TENM3: variants seen among roughly 807,000 people sequenced by gnomAD.
TENM3 encodes the protein teneurin-3.
In TENM3, 63 loss-of-function variants were observed where a neutral mutation model predicts 255.1. That is an observed-to-expected ratio of 0.25 (90% CI 0.20 to 0.30). TENM3 has a LOEUF of 0.30. Ranked by LOEUF, TENM3 falls within the 10% of genes least tolerant of loss-of-function variation. TENM3 has a pLI of 1.00. For missense variants in TENM3, 2,929 were observed against 3,461.1 expected, an observed-to-expected ratio of 0.85 and a Z score of 3.86; for synonymous variants, 1,306 against 1,322.3, an observed-to-expected ratio of 0.99 and a Z score of 0.27.
chr4:182,502,735 C>G (rs1736437391), intron 3 of TENM3, among the ~76,000 whole-genome samples: 1 of 151,708 alleles, frequency 6.6e-6, no homozygotes, highest in Non-Finnish European at 1.5e-5. Flanking sequence ...CTGCATTATC[C>G]ATCTATTTTT....
chr4:182,675,241 A>G lies in TENM3; in HGVS notation c.1326+2022A>G, dbSNP rs774068572. Among the ~76,000 whole-genome samples, 53 of 152,196 alleles carry G rather than the reference A, an allele frequency of 3.5e-4. 1 individual carries two copies. Among genetic ancestry groups the G allele is most frequent in the Non-Finnish European group, 8.8e-5 (6 of 68,002 alleles). On this transcript the variant is annotated intron_variant, in intron 7 of 27. Transcript: ENST00000511685. ...TCTTATAGGTGACACTGACTAGGAT[A>G]TAATAACCAGATTTTCTTAAGGCTA...
At chr4:182,069,092 C>G in the TENM3 span, among the ~76,000 whole-genome samples, 1 of 152,094 alleles carries the variant, frequency 6.6e-6, no homozygotes, top group African/African-American at 2.4e-5. Flanking sequence ...AAAAAACCTT[C>G]ATGAGTGAAA....
chr4:182,652,306 G>C (rs1281248431), intron 5 of TENM3, among the ~76,000 whole-genome samples: 1 of 152,140 alleles, frequency 6.6e-6, no homozygotes, highest in Non-Finnish European at 1.5e-5. Context: ...TTTCCTGTCA[G>C]GGAGAAGCAT....
Position 182,679,691 on chromosome 4 carries a change from G to C in TENM3, c.1352G>C (p.Gly451Ala), listed in dbSNP as rs373792154. Reference protein sequence around the residue: ...TQYDFVELLDGSRLIAREQRS... With the variant: ...TQYDFVELLDASRLIAREQRS... ...TATGACTTCGTGGAGCTCCTGGATG[G>C]CAGCAGGCTGATTGCCAGAGAGCAG... The change falls in exon 8 of 28, where the codon GGC becomes GCC. Residue 451 changes from glycine (G) to alanine (A), a missense_variant. Around this residue, in one of 6 missense-constraint regions of TENM3, gnomAD observed 1,608 missense variants for 1,884.4 expected, o/e 0.85. Transcript: ENST00000511685. 2 of 1,612,870 alleles carry C rather than the reference G, an allele frequency of 1.2e-6. No homozygotes were observed. Among genetic ancestry groups the C allele is most frequent in the African/African-American group, 2.7e-5 (2 of 74,894 alleles).
intron 3 of TENM3, among the ~76,000 whole-genome samples, chr4:182,498,086 G>C (rs1735971602): frequency 6.6e-6 from 1 of 152,026 alleles, no homozygotes; most frequent in Non-Finnish European, 1.5e-5. Context: ...ATTAAGTAGA[G>C]AAAGCATTTT....
chr4:181,640,322 C>T, the TENM3 span, among the ~76,000 whole-genome samples: 4 of 152,174 alleles, frequency 2.6e-5, no homozygotes, highest in Admixed American at 6.5e-5. Flanking sequence ...GATCATGGCA[C>T]ATCCTAACAA....
chr4:182,516,194 G>C (rs1244510966), intron 3 of TENM3, among the ~76,000 whole-genome samples: 18 of 152,198 alleles, frequency 1.2e-4, no homozygotes, highest in Non-Finnish European at 4.4e-5. Context: ...CTGTGAGTTA[G>C]GAACTATTCA....
At chr4:182,174,838 T>C (rs1752354446) in intron 1 of TENM3, among the ~76,000 whole-genome samples, 1 of 152,196 alleles carries the variant, frequency 6.6e-6, no homozygotes, top group African/African-American at 2.4e-5. Context: ...ATTGAAAGAA[T>C]GTCTAAAGGG....
the TENM3 span, among the ~76,000 whole-genome samples, chr4:181,501,509 G>C: frequency 6.6e-6 from 1 of 151,784 alleles, no homozygotes; most frequent in Admixed American, 6.6e-5. Flanking sequence ...CTCCCAAGTA[G>C]TGGGATTACA....
the TENM3 span, among the ~76,000 whole-genome samples, chr4:181,754,445 G>GA: frequency 7.2e-4 from 109 of 152,212 alleles, no homozygotes; most frequent in African/African-American, 2.5e-3. Flanking sequence ...TTCAGTAAAG[G>GA]AAAGAGACAT....
At chr4:181,693,851 T>A in the TENM3 span, among the ~76,000 whole-genome samples, 1 of 152,296 alleles carries the variant, frequency 6.6e-6, no homozygotes, top group African/African-American at 2.4e-5. Flanking sequence ...TCTGATTGGC[T>A]GGTTAGGTCT....
At chr4:181,695,661 G>A in the TENM3 span, among the ~76,000 whole-genome samples, 19 of 152,176 alleles carry the variant, frequency 1.2e-4, no homozygotes, top group African/African-American at 4.6e-4. Flanking sequence ...CTTCTCCTAG[G>A]GCAGAGAGAT....
chr4:181,664,293 A>G, the TENM3 span, among the ~76,000 whole-genome samples: 3 of 151,964 alleles, frequency 2.0e-5, no homozygotes, highest in African/African-American at 7.3e-5. Flanking sequence ...AACATGGTGA[A>G]ACCCCGTCTC....
intron 6 of TENM3, among the ~76,000 whole-genome samples, chr4:182,659,166 A>G (rs187937090): frequency 1.3e-5 from 2 of 152,270 alleles, no homozygotes; most frequent in Non-Finnish European, 2.9e-5. Flanking sequence ...ATCTTTGGAA[A>G]ATACAATTGC....
At chr4:182,569,567 A>G (rs1580970840) in intron 3 of TENM3, among the ~76,000 whole-genome samples, 1 of 152,050 alleles carries the variant, frequency 6.6e-6, no homozygotes, top group South Asian at 2.1e-4. Context: ...AAAAGAAAAA[A>G]AAAAAAAGAA....
intron 27 of TENM3, 125 bp downstream of exon 27, chr4:182,796,892 G>A: frequency 1.5e-6 from 1 of 665,104 alleles, no homozygotes; most frequent in Non-Finnish European, 2.3e-6. Flanking sequence ...CTGTTTTAGG[G>A]AAAAAAAACA....
At chr4:182,591,726 A>G (rs761295236) in intron 3 of TENM3, among the ~76,000 whole-genome samples, 10 of 152,158 alleles carry the variant, frequency 6.6e-5, no homozygotes, top group Non-Finnish European at 1.0e-4. Context: ...ATAATGAACT[A>G]CAGGAACTGG....
intron 3 of TENM3, among the ~76,000 whole-genome samples, chr4:182,590,602 A>G (rs1229330449): frequency 2.6e-5 from 4 of 151,040 alleles, no homozygotes; most frequent in Admixed American, 6.6e-5. Context: ...GCTCACGCCT[A>G]TAATCCCAAC....
Position 182,621,687 on chromosome 4 carries a change from A to AT in TENM3, c.750-6964_750-6963insT, listed in dbSNP as rs1750199198. Reference sequence around the variant, plus strand: ...TATGTATTATATATATAAAATATATAATATATATTATATATAAAATATATA... The same window carrying AT: ...TATGTATTATATATATAAAATATATATATATATATTATATATAAAATATATA... On this transcript the variant is annotated intron_variant, in intron 4 of 27. Coordinates refer to ENST00000511685, the MANE Select transcript of TENM3 (RefSeq NM_001080477.4). Among the ~76,000 whole-genome samples the AT allele has an allele frequency of 3.3e-4, 4 of 12,156 alleles. No individual in the cohort carries two copies. In the South Asian group the frequency reaches 0.032, roughly 96 times the overall value. The allele number at this position is 12,156 out of a possible 152,430, so 8.0% of individuals were successfully genotyped here.
Sources: gnomAD v4.1 joint callset for allele counts (sites outside exome capture counted in the v4.1 genomes callset) on GRCh38, gnomAD v4.1.1 for gene constraint, gnomAD v4.1.1 regional missense constraint, MANE v1.5 for transcripts, NCBI Gene and HGNC (gene_info 2026-07-23, HGNC 2026-07-21) for gene names.